The following LOXHD1 variants were observed in gnomAD, a reference collection of about 807,000 sequenced individuals.
The protein encoded by LOXHD1 is lipoxygenase homology PLAT domains 1.
In LOXHD1, 205 loss-of-function variants were observed where a neutral mutation model predicts 248.2. The ratio of observed to expected loss-of-function variants is 0.83; its 90% CI spans 0.74 to 0.93. The LOEUF (loss-of-function observed/expected upper bound fraction) is 0.93, where lower values mean the gene tolerates loss of function less well. Ranked by LOEUF, LOXHD1 falls within the 40% of genes least tolerant of loss-of-function variation. LOXHD1 has a pLI of 0.00. For missense variants in LOXHD1, 2,930 were observed against 2,971.6 expected, an observed-to-expected ratio of 0.99 and a Z score of 0.33; for synonymous variants, 1,113 against 1,162.8, an observed-to-expected ratio of 0.96 and a Z score of 0.87.
At chr18:46,565,259 T>C (rs377244627) in intron 17 of LOXHD1, among the ~76,000 whole-genome samples, 1 of 111,662 alleles carries the variant, frequency 9.0e-6, no homozygotes, top group African/African-American at 3.0e-5. Flanking sequence ...AGGCTCTGTC[T>C]CAAAAAAAAA....
chr18:46,602,170 A>G (rs554721574), intron 7 of LOXHD1, among the ~76,000 whole-genome samples: 1 of 152,174 alleles, frequency 6.6e-6, no homozygotes, highest in Non-Finnish European at 1.5e-5. Context: ...AGGCAATTCT[A>G]CTAAGGACTG....
Position 46,559,136 on chromosome 18 carries a change from GC to G in LOXHD1, c.3216+311del, listed in dbSNP as rs1307112737. The G allele has an allele frequency of 3.7e-6, 5 of 1,360,908 alleles. No individual in the cohort carries two copies. The Admixed American group carries it at 1.1e-4, about 30-fold the overall frequency. The allele number at this position is 1,360,908 out of a possible 1,614,324, so 84.3% of individuals were successfully genotyped here. A position where few individuals can be genotyped will look rare whatever the true frequency, so the allele number is the denominator to read the frequency against. On this transcript the variant is annotated intron_variant, in intron 20 of 40. Transcript: ENST00000642948. Reference sequence around the variant, plus strand: ...TTTTCCCCCAAGACACCATCTTGCGGCGAGGACTTCCTCTTGAACCCCCGCA... The same window carrying G: ...TTTTCCCCCAAGACACCATCTTGCGGGAGGACTTCCTCTTGAACCCCCGCA...
At chr18:46,505,693 G>C in intron 37 of LOXHD1, 145 bp downstream of exon 37, 2 of 779,060 alleles carry the variant, frequency 2.6e-6, no homozygotes, top group South Asian at 3.6e-5. Flanking sequence ...ACTGATGGAA[G>C]CATCAATGTG....
chr18:46,630,649 CAA>C (rs1051697923), intron 4 of LOXHD1, among the ~76,000 whole-genome samples: 1 of 152,164 alleles, frequency 6.6e-6, no homozygotes, highest in Non-Finnish European at 1.5e-5. Context: ...TCCCTGAAGT[CAA>C]AGAGGACTGA....
rs1568184011 is a variant in LOXHD1, at chr18:46,559,477, C to G, written c.3187G>C (p.Asp1063His). Reference sequence around the variant, plus strand: ...CCCTGCTCAAATTTGTTGGACTTGTCTGACTTCTTCAGGGGTCGTTCGCCC... The same window carrying G: ...CCCTGCTCAAATTTGTTGGACTTGTGTGACTTCTTCAGGGGTCGTTCGCCC... ...DTGERPLKKS[D>H]KSNKFEQGQT... is the part of the protein sequence containing the mutation. Residue 1063 changes from aspartate to histidine, a missense_variant, in exon 20 of 41, where the codon GAC becomes CAC. Asp to His is a moderately conservative substitution (Grantham distance 81, BLOSUM62 -1). Transcript: ENST00000642948. 1 of 1,552,124 alleles carries G rather than the reference C, an allele frequency of 6.4e-7. No homozygotes were observed. The highest frequency in any genetic ancestry group is 1.4e-5 in the African/African-American group (1 of 73,162).
chr18:46,601,759 C>A, intron 7 of LOXHD1: 1 of 413,034 alleles, frequency 2.4e-6, no homozygotes, highest in Non-Finnish European at 4.6e-6. Context: ...AGGAGGAACT[C>A]GGGTTGGCTA....
At chr18:46,620,035 G>T (rs2058468922) in intron 4 of LOXHD1, among the ~76,000 whole-genome samples, 1 of 152,184 alleles carries the variant, frequency 6.6e-6, no homozygotes, top group Non-Finnish European at 1.5e-5. Flanking sequence ...GCCACACTCA[G>T]GTTACCTGGC....
intron 37 of LOXHD1, among the ~76,000 whole-genome samples, chr18:46,496,547 C>T (rs1029326331): frequency 3.3e-5 from 5 of 152,104 alleles, no homozygotes; most frequent in African/African-American, 1.2e-4. Flanking sequence ...AAAAGTGTGG[C>T]ATAGAGAGAG....
intron 1 of LOXHD1, among the ~76,000 whole-genome samples, chr18:46,651,712 G>C (rs1268206105): frequency 6.6e-6 from 1 of 151,630 alleles, no homozygotes; most frequent in Non-Finnish European, 1.5e-5. Flanking sequence ...AGGCAAGCCA[G>C]AGACTAGGGA....
intron 25 of LOXHD1, among the ~76,000 whole-genome samples, chr18:46,541,488 T>C (rs2036554923): frequency 6.6e-6 from 1 of 152,220 alleles, no homozygotes; most frequent in Admixed American, 6.5e-5. Context: ...TTATTATCTC[T>C]ATGCTGCAGA....
At chr18:46,550,306 G>A (rs1568173226) in intron 21 of LOXHD1, among the ~76,000 whole-genome samples, 1 of 151,674 alleles carries the variant, frequency 6.6e-6, no homozygotes, top group Non-Finnish European at 1.5e-5. Flanking sequence ...GGGCACGGTG[G>A]CTCACGCCAG....
In LOXHD1 at chr18:46,535,860, C is replaced by T. The variant is rs149407096; in HGVS notation, c.4096-1409G>A. Among the ~76,000 whole-genome samples, 862 of 152,268 alleles carry T rather than the reference C, an allele frequency of 5.7e-3. 8 individuals carry two copies. Among genetic ancestry groups the T allele is most frequent in the African/African-American group, 0.019 (809 of 41,544 alleles). On this transcript the variant is annotated intron_variant, in intron 26 of 40. Coordinates refer to ENST00000642948, the MANE Select transcript of LOXHD1 (RefSeq NM_001384474.1). ...TGCTGGCATTACAGGCGTGAGCCAC[C>T]GCGCCTGGTGGTCATCTCAGTTCTA...
intron 21 of LOXHD1, among the ~76,000 whole-genome samples, chr18:46,548,694 G>A (rs2036955227): frequency 6.6e-6 from 1 of 152,154 alleles, no homozygotes; most frequent in African/African-American, 2.4e-5. Context: ...AAGAGCTGGG[G>A]TCAGAGCAGA....
intron 36 of LOXHD1, 135 bp downstream of exon 36, chr18:46,507,403 T>G: frequency 2.2e-6 from 2 of 912,852 alleles, no homozygotes; most frequent in Non-Finnish European, 3.3e-6. Context: ...CGACACACTG[T>G]GGAGAAAACT....
At chr18:46,642,891 T>C (rs1316900586) in intron 2 of LOXHD1, among the ~76,000 whole-genome samples, 1 of 152,038 alleles carries the variant, frequency 6.6e-6, no homozygotes, top group Non-Finnish European at 1.5e-5. Context: ...GGCTGAGAGC[T>C]GCAGGCCTCA....
chr18:46,596,847 C>A (rs1027188746), intron 8 of LOXHD1, among the ~76,000 whole-genome samples: 1 of 152,008 alleles, frequency 6.6e-6, no homozygotes, highest in Non-Finnish European at 1.5e-5. Flanking sequence ...AATTCTGTAC[C>A]GTAAAATTAT....
At chr18:46,579,595 G>A (rs1252144275) in intron 13 of LOXHD1, 35 bp downstream of exon 13, 2 of 1,551,366 alleles carry the variant, frequency 1.3e-6, no homozygotes, top group Non-Finnish European at 1.7e-6. Context: ...GAACTGGGAG[G>A]AAGGGGATGA....
chr18:46,610,858 T>C lies in LOXHD1; in HGVS notation c.677A>G (p.Asp226Gly). The C allele has an allele frequency of 6.4e-7, 1 of 1,551,822 alleles. No homozygotes were observed. The highest frequency in any genetic ancestry group is 8.7e-7 in the Non-Finnish European group (1 of 1,147,018). The change falls in exon 6 of 41, where the codon GAT (aspartate) becomes GGT (glycine). Residue 226 changes from aspartate to glycine, a missense_variant. Physicochemically the swap from Asp to Gly is moderately conservative, Grantham distance 94. Coordinates refer to ENST00000642948, the MANE Select transcript of LOXHD1 (RefSeq NM_001384474.1). The stretch of plus-strand genomic sequence containing the variant: ...CATCAGCTGCCCCAAATCCGGGGCA[T>C]CCAGGATGAACCTGTCTTCAGCTCC... ...EKGAEDRFIL[D>G]APDLGQLMKI...
intron 8 of LOXHD1, among the ~76,000 whole-genome samples, chr18:46,596,726 A>G (rs1348751832): frequency 6.6e-6 from 1 of 152,218 alleles, no homozygotes; most frequent in Non-Finnish European, 1.5e-5. Context: ...ATTGAGGAGA[A>G]GCAGGAGAAT....
Sources: gnomAD v4.1 joint callset for allele counts (sites outside exome capture counted in the v4.1 genomes callset) on GRCh38, gnomAD v4.1.1 for gene constraint, MANE v1.5 for transcripts, NCBI Gene and HGNC (gene_info 2026-07-23, HGNC 2026-07-21) for gene names.